Variants in SLC35F3 observed in about 807,000 individuals in gnomAD.
SLC35F3 encodes the protein solute carrier family 35 member F3.
Under a neutral mutation model 49.9 loss-of-function variants are expected in SLC35F3, and 25 were observed. The ratio of observed to expected loss-of-function variants is 0.50; its 90% confidence interval spans 0.37 to 0.70. The LOEUF (loss-of-function observed/expected upper bound fraction) is 0.70, where lower values mean the gene tolerates loss of function less well. SLC35F3 is among the 30% of genes least tolerant of loss of function. SLC35F3 has a pLI of 0.00. For synonymous variants in SLC35F3, 275 were observed against 265.4 expected, an observed-to-expected ratio of 1.04 and a Z score of -0.35; for missense variants, 525 against 639.8, an observed-to-expected ratio of 0.82 and a Z score of 1.94.
intron 3 of SLC35F3, among the ~76,000 whole-genome samples, chr1:234,240,402 C>T (rs910827715): frequency 4.6e-5 from 7 of 151,442 alleles, no homozygotes; most frequent in African/African-American, 1.7e-4. Flanking sequence ...TCCAGGAGTT[C>T]AAGACCAGCC....
intron 2 of SLC35F3, among the ~76,000 whole-genome samples, chr1:234,050,024 A>C (rs1227200428): frequency 6.6e-6 from 1 of 152,106 alleles, no homozygotes; most frequent in Non-Finnish European, 1.5e-5. Context: ...CACTTTATTA[A>C]TCCAGTCTAT....
rs529667468 is a variant in SLC35F3, at chr1:234,224,067, T to TGTTTGTTTGTTC, written c.284-7339_284-7338insCGTTTGTTTGTT. On this transcript the variant is annotated intron_variant, in intron 2 of 7. Coordinates refer to ENST00000366618, the MANE Select transcript of SLC35F3 (RefSeq NM_173508.4). ...TTTTTCGGTTTTTTGTTTGTTTGTT[T>TGTTTGTTTGTTC]GTTTGTTTGTTTTTTAAGACAGGGT... Among the ~76,000 whole-genome samples the TGTTTGTTTGTTC allele has an allele frequency of 1.0e-2, 1,517 of 151,968 alleles. 19 individuals are homozygous for TGTTTGTTTGTTC. The highest frequency in any genetic ancestry group is 0.033 in the African/African-American group (1,386 of 41,398).
intron 2 of SLC35F3, among the ~76,000 whole-genome samples, chr1:234,229,018 G>T (rs1272609447): frequency 2.0e-5 from 3 of 152,140 alleles, no homozygotes; most frequent in Non-Finnish European, 4.4e-5. Flanking sequence ...AATGGGGTTT[G>T]GTTGTCTATT....
chr1:234,116,095 G>A (rs1280954859), intron 2 of SLC35F3, among the ~76,000 whole-genome samples: 1 of 152,170 alleles, frequency 6.6e-6, no homozygotes, highest in East Asian at 1.9e-4. Flanking sequence ...AGGGCATAAA[G>A]GAATAGTCAA....
At chr1:234,202,270 GAAATAAAATAAAATAAAACCTTTTTTTA>G (rs1666910859) in intron 2 of SLC35F3, among the ~76,000 whole-genome samples, 1 of 151,916 alleles carries the variant, frequency 6.6e-6, no homozygotes, top group Admixed American at 6.6e-5. Flanking sequence ...GTGGGAAATA[GAAATAAAATAAAATAAAACCTTTTTTTA>G]AAAAGGTGTG....
At chr1:234,101,790 C>T (rs1028150293) in intron 2 of SLC35F3, among the ~76,000 whole-genome samples, 16 of 152,144 alleles carry the variant, frequency 1.1e-4, no homozygotes, top group African/African-American at 2.9e-4. Flanking sequence ...TTGGAAGGGA[C>T]GTGGGTCAAA....
chr1:234,202,804 A>G (rs1666918241), intron 2 of SLC35F3, among the ~76,000 whole-genome samples: 1 of 152,372 alleles, frequency 6.6e-6, no homozygotes, highest in South Asian at 2.1e-4. Flanking sequence ...AAAAAACCTT[A>G]TGTCAGCTGA....
chr1:234,319,895 G>T (rs966747663), intron 6 of SLC35F3, among the ~76,000 whole-genome samples: 1 of 152,006 alleles, frequency 6.6e-6, no homozygotes, highest in Non-Finnish European at 1.5e-5. Flanking sequence ...GGAACAGAGG[G>T]GCTGAGTACT....
chr1:233,993,621 A>G (rs948816709), intron 2 of SLC35F3, among the ~76,000 whole-genome samples: 1 of 152,216 alleles, frequency 6.6e-6, no homozygotes, highest in Non-Finnish European at 1.5e-5. Flanking sequence ...GCAGAGATCC[A>G]GGCCATTAAA....
At chr1:234,044,061 C>T (rs558096591) in intron 2 of SLC35F3, among the ~76,000 whole-genome samples, 1 of 152,056 alleles carries the variant, frequency 6.6e-6, no homozygotes, top group Non-Finnish European at 1.5e-5. Context: ...CCTGGTGGCT[C>T]CATCCTCATG....
intron 2 of SLC35F3, among the ~76,000 whole-genome samples, chr1:233,921,203 T>C (rs1483640864): frequency 6.6e-6 from 1 of 152,268 alleles, no homozygotes; most frequent in Non-Finnish European, 1.5e-5. Flanking sequence ...CATTTTATAA[T>C]AGAACACTAT....
chr1:234,293,176 G>A (rs1446128068), intron 3 of SLC35F3, among the ~76,000 whole-genome samples: 1 of 152,202 alleles, frequency 6.6e-6, no homozygotes, highest in Non-Finnish European at 1.5e-5. Context: ...CTCACAGCTA[G>A]AGCTGACTGT....
chr1:234,012,905 C>G (rs1221991585), intron 2 of SLC35F3, among the ~76,000 whole-genome samples: 1 of 152,092 alleles, frequency 6.6e-6, no homozygotes, highest in African/African-American at 2.4e-5. Context: ...TCTAATACCC[C>G]ACTACCAACA....
intron 3 of SLC35F3, among the ~76,000 whole-genome samples, chr1:234,252,313 G>A (rs977118606): frequency 1.3e-5 from 2 of 152,030 alleles, no homozygotes; most frequent in African/African-American, 2.4e-5. Context: ...CAAGTGATTC[G>A]CCCACCTCAG....
At chr1:233,907,724 TTC>T (rs999262786) in intron 2 of SLC35F3, among the ~76,000 whole-genome samples, 3 of 152,188 alleles carry the variant, frequency 2.0e-5, no homozygotes, top group Non-Finnish European at 2.9e-5. Context: ...TGTTTTTTTT[TTC>T]TTTGTTTTTT....
In SLC35F3 at chr1:234,177,059, C is replaced by T. The variant is rs572342383; in HGVS notation, c.284-54358C>T. On this transcript the variant is annotated intron_variant, in intron 2 of 7. Coordinates refer to ENST00000366618, the MANE Select transcript of SLC35F3 (RefSeq NM_173508.4). ...CCCACATGTCATGGGAGGAACCCAG[C>T]GGGAGGTGAGTGAATCATGCAGGTA... 5.3e-5 allele frequency among the ~76,000 whole-genome samples: 8 copies of T among 152,108 alleles called. No individual in the cohort carries two copies. The South Asian group carries it at 6.2e-4, about 12-fold the overall frequency.
chr1:233,997,677 C>T (rs1241143910), intron 2 of SLC35F3, among the ~76,000 whole-genome samples: 1 of 152,108 alleles, frequency 6.6e-6, no homozygotes, highest in Non-Finnish European at 1.5e-5. Flanking sequence ...TTTCTATGCT[C>T]TTTCACTTCT....
chr1:234,228,615 T>C (rs1408737338), intron 2 of SLC35F3, among the ~76,000 whole-genome samples: 1 of 152,194 alleles, frequency 6.6e-6, no homozygotes, highest in Non-Finnish European at 1.5e-5. Context: ...ATGCCGTTCA[T>C]TATAAGTTAG....
At chr1:234,091,523 C>A (rs1007379575) in intron 2 of SLC35F3, among the ~76,000 whole-genome samples, 4 of 152,174 alleles carry the variant, frequency 2.6e-5, no homozygotes, top group Non-Finnish European at 5.9e-5. Flanking sequence ...GCATCTCCAA[C>A]CCTGGGCCCT....
Sources: allele counts gnomAD v4.1 joint callset (sites outside exome capture counted in the v4.1 genomes callset), GRCh38; gene constraint gnomAD v4.1.1; transcripts MANE v1.5; gene names NCBI Gene and HGNC (gene_info 2026-07-23, HGNC 2026-07-21).